The following LRRK2 variants were observed in gnomAD, a reference collection of about 807,000 sequenced individuals.
LRRK2 encodes the protein leucine-rich repeat serine/threonine-protein kinase 2.
LRRK2 carries 203 observed loss-of-function variants against 302.6 expected under a neutral mutation model. The observed-to-expected ratio is 0.67, with a 90% CI of 0.60 to 0.75. The LOEUF is 0.75. Ranked by LOEUF, LRRK2 falls within the 30% of genes least tolerant of loss-of-function variation. The pLI is 0.00. For synonymous variants in LRRK2, 1,066 were observed against 1,031.9 expected, an observed-to-expected ratio of 1.03 and a Z score of -0.63; for missense variants, 2,830 against 2,951.0, an observed-to-expected ratio of 0.96 and a Z score of 0.95.
intron 25 of LRRK2, among the ~76,000 whole-genome samples, chr12:40,302,164 C>T (rs568318837): frequency 1.9e-4 from 29 of 151,610 alleles, no homozygotes; most frequent in African/African-American, 5.6e-4. Context: ...GGCAACAGAG[C>T]GAGACTCTGT....
intron 38 of LRRK2, among the ~76,000 whole-genome samples, chr12:40,325,907 C>T (rs1390591050): frequency 2.0e-5 from 3 of 152,074 alleles, no homozygotes; most frequent in Admixed American, 6.5e-5. Flanking sequence ...TCTGTTCATG[C>T]GTCTGAGAAG....
intron 14 of LRRK2, among the ~76,000 whole-genome samples, chr12:40,264,357 A>C (rs1404817374): frequency 6.6e-6 from 1 of 152,214 alleles, no homozygotes; most frequent in Non-Finnish European, 1.5e-5. Flanking sequence ...ACAGTGGCCC[A>C]CACCTGTAAT....
intron 31 of LRRK2, among the ~76,000 whole-genome samples, chr12:40,313,082 G>T (rs555184886): frequency 3.3e-5 from 5 of 152,032 alleles, no homozygotes; most frequent in African/African-American, 1.2e-4. Flanking sequence ...ATTTCTATTT[G>T]TAGTAAGTGT....
chr12:40,238,792 G>A (rs10506148), intron 5 of LRRK2, among the ~76,000 whole-genome samples: 5,127 of 152,264 alleles, frequency 0.034, 295 homozygotes, highest in East Asian at 0.31. Context: ...TCAGTTATCA[G>A]TTTACCAGTC....
At chr12:40,355,977 A>G in intron 45 of LRRK2, 138 bp from the exon 46 acceptor site, 1 of 632,294 alleles carries the variant, frequency 1.6e-6, no homozygotes, top group Non-Finnish European at 2.8e-6. Context: ...TCTAAAGTAA[A>G]TACTCTAAGA....
At chr12:40,338,629 A>T (rs1419127377) in intron 40 of LRRK2, among the ~76,000 whole-genome samples, 4 of 152,240 alleles carry the variant, frequency 2.6e-5, no homozygotes, top group Non-Finnish European at 2.9e-5. Context: ...ACTTCTTAAG[A>T]TTAAATTCTA....
chr12:40,289,374 C>A (rs1944054020), intron 20 of LRRK2, among the ~76,000 whole-genome samples: 1 of 151,376 alleles, frequency 6.6e-6, no homozygotes, highest in South Asian at 2.1e-4. Flanking sequence ...AAAAATTGTT[C>A]TTATTATTCT....
chr12:40,268,144 G>C (rs1943098736), intron 14 of LRRK2, among the ~76,000 whole-genome samples: 1 of 152,138 alleles, frequency 6.6e-6, no homozygotes, highest in Non-Finnish European at 1.5e-5. Context: ...TTTGTCACCT[G>C]TTCCAGAGAG....
chr12:40,323,376 T>G (rs1945456095), intron 38 of LRRK2, 70 bp downstream of exon 38: 1 of 1,299,666 alleles, frequency 7.7e-7, no homozygotes, highest in East Asian at 2.5e-5. Flanking sequence ...AGAAAATAGA[T>G]TTCATAATTA....
chr12:40,277,999 G>T lies in LRRK2; in HGVS notation c.2053G>T (p.Glu685Ter). ...CCATCAAATGTCTTCCAATATCATG[G>T]AACAAAAGGATCAACAGGTACAGTG... ...IFHQMSSNIM[E>*]QKDQQFLNLC... The change falls in exon 17 of 51, where the codon GAA (glutamate) becomes TAA (stop). Residue 685 changes from glutamate (E) to a stop codon, truncating the protein, a stop_gained. Coordinates refer to ENST00000298910, the MANE Select transcript of LRRK2 (RefSeq NM_198578.4). LOFTEE classifies it high-confidence loss of function. 3 of 1,613,664 alleles carry T rather than the reference G, an allele frequency of 1.9e-6. No homozygotes were observed. Among genetic ancestry groups the T allele is most frequent in the African/African-American group, 1.3e-5 (1 of 74,986 alleles).
intron 33 of LRRK2, among the ~76,000 whole-genome samples, chr12:40,319,707 T>C (rs1241513934): frequency 6.6e-6 from 1 of 152,088 alleles, no homozygotes; most frequent in Admixed American, 6.6e-5. Flanking sequence ...CTTTCCATTG[T>C]AGCTAGGGAA....
rs972624829 is a variant in LRRK2 at position 40,359,510 on chromosome 12, A to G, written c.7028+66A>G. 4.5e-5 allele frequency: 55 copies of G among 1,214,736 alleles called. No homozygotes were observed. In the African/African-American group the frequency reaches 8.1e-4, roughly 18 times the overall value. 75.2% of individuals were successfully genotyped at this position (1,214,736 alleles called of 1,614,324 possible). On this transcript the variant is annotated intron_variant, in intron 47 of 50. Transcript: ENST00000298910. ...CTTTTGTTTTTTCCTTATAATCATTAATAATACTGTTGATAATTCATAAGG... is the reference window on the plus strand; with the variant it reads ...CTTTTGTTTTTTCCTTATAATCATTGATAATACTGTTGATAATTCATAAGG...
Position 40,240,551 on chromosome 12 carries a change from A to G in LRRK2, c.640A>G (p.Asn214Asp). 1 of 1,613,428 alleles carries G rather than the reference A, an allele frequency of 6.2e-7. No homozygotes were observed. Among genetic ancestry groups the G allele is most frequent in the Non-Finnish European group, 8.5e-7 (1 of 1,179,630 alleles). ...TATGATATTGTTAAGTGCGTTAACA[A>G]ATTTTAAAGATGAAGAGGAAATTGT... ...DYMILLSALTNFKDEEEIVLH... is the reference protein window; with the variant it reads ...DYMILLSALTDFKDEEEIVLH... The change falls in exon 6 of 51, where the codon AAT becomes GAT. Residue 214 changes from asparagine (N) to aspartate (D), a missense_variant. By Grantham distance (23) the Asn-to-Asp change is conservative. Around this residue, in one of 3 missense-constraint regions of LRRK2, gnomAD observed 2,121 missense variants for 2,148.0 expected, o/e 0.99. Coordinates refer to ENST00000298910, the MANE Select transcript of LRRK2 (RefSeq NM_198578.4).
intron 31 of LRRK2, among the ~76,000 whole-genome samples, chr12:40,312,084 G>A (rs979929441): frequency 2.4e-4 from 37 of 151,754 alleles, no homozygotes; most frequent in Non-Finnish European, 4.0e-4. Context: ...AAGACTTGTT[G>A]GAGGATGAGT....
intron 18 of LRRK2, among the ~76,000 whole-genome samples, chr12:40,278,907 GTC>G (rs1943570940): frequency 6.6e-6 from 1 of 152,034 alleles, no homozygotes; most frequent in Non-Finnish European, 1.5e-5. Flanking sequence ...TCTTTTGTCA[GTC>G]TATGAAAATA....
chr12:40,239,260 C>T (rs1451701385), intron 5 of LRRK2, among the ~76,000 whole-genome samples: 1 of 152,094 alleles, frequency 6.6e-6, no homozygotes, highest in African/African-American at 2.4e-5. Context: ...GGGCCTGGTA[C>T]CCAGCTCTTT....
intron 41 of LRRK2, among the ~76,000 whole-genome samples, chr12:40,346,430 T>C (rs1453100467): frequency 6.6e-6 from 1 of 152,184 alleles, no homozygotes; most frequent in African/African-American, 2.4e-5. Flanking sequence ...CTTTATTTCT[T>C]AATTATGAAA....
Position 40,299,196 on chromosome 12 carries a change from A to G in LRRK2, c.3435A>G (p.Ser1145=), listed in dbSNP as rs886049359. The change falls in exon 25 of 51, where the codon TCA becomes TCG. Residue 1145 remains serine (S), a synonymous_variant. Coordinates refer to ENST00000298910, the MANE Select transcript of LRRK2 (RefSeq NM_198578.4). ...NLSKNHISSL[S]ENFLEACPKV... ...GTAAGAACCACATTTCATCCCTATC[A>G]GAGAACTTTCTTGAGGCTTGTCCTA... The G allele has an allele frequency of 6.2e-7, 1 of 1,613,568 alleles. No homozygotes were observed. Among genetic ancestry groups the G allele is most frequent in the Non-Finnish European group, 8.5e-7 (1 of 1,179,844 alleles).
At chr12:40,347,767 A>G (rs1565770216) in intron 42 of LRRK2, among the ~76,000 whole-genome samples, 1 of 152,222 alleles carries the variant, frequency 6.6e-6, no homozygotes, top group Non-Finnish European at 1.5e-5. Context: ...GCTGGAGACC[A>G]GCCTGGCCAA....
Sources: allele counts gnomAD v4.1 joint callset (sites outside exome capture counted in the v4.1 genomes callset), GRCh38; gene constraint gnomAD v4.1.1; regional missense constraint gnomAD v4.1.1; transcripts MANE v1.5; gene names NCBI Gene and HGNC (gene_info 2026-07-23, HGNC 2026-07-21).